Variants in ATRX observed in about 807,000 individuals in gnomAD.
ATRX encodes ATRX chromatin remodeler, also known as chromatin remodeler ATRX.
Under a neutral mutation model 172.6 loss-of-function variants are expected in ATRX, and 12 were observed. The observed-to-expected ratio is 0.07, with a 90% CI of 0.04 to 0.11. The LOEUF (loss-of-function observed/expected upper bound fraction) is 0.11, where lower values mean the gene tolerates loss of function less well. Among genes scored for constraint, ATRX ranks in the 10% least tolerant of loss-of-function variants. The pLI is 1.00. For missense variants in ATRX, 1,368 were observed against 1,767.4 expected (o/e 0.77, Z 4.05); for synonymous variants, 674 against 594.7 (o/e 1.13, Z -1.94).
chrX:77,743,999 A>G (rs185772406), intron 1 of ATRX, among the ~76,000 whole-genome samples: 32 of 112,679 alleles, frequency 2.8e-4, no homozygotes, highest in East Asian at 2.5e-3. Context: ...CACAGACACC[A>G]TTAATGCTAT....
intron 1 of ATRX, among the ~76,000 whole-genome samples, chrX:77,776,664 T>G (rs1437731249): frequency 4.5e-5 from 5 of 112,286 alleles, no homozygotes; most frequent in African/African-American, 1.6e-4. Flanking sequence ...CACTTTACTT[T>G]GAAAAAGACC....
intron 30 of ATRX, among the ~76,000 whole-genome samples, chrX:77,538,813 G>C (rs1319240737): frequency 5.5e-5 from 6 of 109,808 alleles, no homozygotes; most frequent in African/African-American, 2.0e-4. Context: ...TAAGTGATTT[G>C]TTAGTAATTT....
intron 26 of ATRX, among the ~76,000 whole-genome samples, chrX:77,592,385 C>T (rs1557081164): frequency 9.9e-6 from 1 of 101,070 alleles, no homozygotes; most frequent in African/African-American, 3.7e-5. Context: ...TGCACTCCAG[C>T]CTGGGTGACA....
chrX:77,508,338 T>C lies in ATRX; in HGVS notation c.*13A>G, dbSNP rs782082803. On this transcript the variant is annotated 3_prime_UTR_variant, in exon 35 of 35. Coordinates refer to ENST00000373344, the MANE Select transcript of ATRX (RefSeq NM_000489.6). The stretch of plus-strand genomic sequence containing the variant: ...CTATGATTTTAACAATCCATTAAGC[T>C]TTTAGTGCAAAATCACATTGATTTC... 37 of 1,207,899 alleles carry C rather than the reference T, an allele frequency of 3.1e-5. No individual in the cohort carries two copies. The East Asian group carries it at 1.1e-3, about 35-fold the overall frequency.
intron 15 of ATRX, among the ~76,000 whole-genome samples, chrX:77,643,561 T>C (rs782104115): frequency 4.5e-5 from 5 of 110,742 alleles, no homozygotes; most frequent in Non-Finnish European, 9.4e-5. Flanking sequence ...GCTGGGACTA[T>C]AGGTGTGCAC....
chrX:77,773,092 TA>T (rs782649057), intron 1 of ATRX, among the ~76,000 whole-genome samples: 23 of 37,355 alleles, frequency 6.2e-4, no homozygotes, highest in South Asian at 6.3e-3. Context: ...AAATTTCAGC[TA>T]AAAAAAAAAA....
rs1557059602 is a variant in ATRX at position 77,557,491 on chromosome X, G to A, written c.6659C>T (p.Ser2220Leu). The A allele has an allele frequency of 1.5e-5, 18 of 1,208,123 alleles. No homozygotes were observed. The change falls in exon 30 of 35, where the codon TCA (serine) becomes TTA (leucine). Residue 2220 changes from serine (S) to leucine (L), a missense_variant. By Grantham distance (145) the Ser-to-Leu change is moderately radical. Transcript: ENST00000373344. Reference sequence around the variant, plus strand: ...AGTATCCCTCTTCTTCTTCTTTTCTGAATTAGGGTCATCTAATAAGTCTGG... The same window carrying A: ...AGTATCCCTCTTCTTCTTCTTTTCTAAATTAGGGTCATCTAATAAGTCTGG... The part of the protein sequence containing the change: ...FEPDLLDDPN[S>L]EKKKKRDTPM...
chrX:77,684,092 T>C lies in ATRX; in HGVS notation c.1164A>G (p.Lys388=), dbSNP rs1557142227. The change falls in exon 9 of 35, where the codon AAA becomes AAG. Residue 388 remains lysine (K), a synonymous_variant. Transcript: ENST00000373344. The part of the protein sequence containing the change: ...TDNSEISSAT[K]LRQLKAFKSV... ...ACTTAAAAGCCTTAAGCTGACGTAA[T>C]TTTGTAGCAGAACTGATTTCTGAAT... 1 of 1,209,170 alleles carries C rather than the reference T, an allele frequency of 8.3e-7. No individual in the cohort carries two copies. The highest frequency in any genetic ancestry group is 1.7e-5 in the African/African-American group (1 of 57,853).
At chrX:77,617,325 A>G (rs1446046484) in intron 21 of ATRX, among the ~76,000 whole-genome samples, 3 of 111,518 alleles carry the variant, frequency 2.7e-5, no homozygotes, top group Admixed American at 9.6e-5. Flanking sequence ...AGAAAGAAAA[A>G]TGCTGCCTGG....
rs1557085888 is a variant in ATRX at position 77,599,556 on chromosome X, C to T, written c.5811G>A (p.Gly1937=). Residue 1937 remains glycine, a synonymous_variant, in exon 25 of 35, where the codon GGG becomes GGA. Transcript: ENST00000373344. ...YTKKKKKGKK[G]KKDSSSSGSG... is the part of the protein sequence containing the mutation. The stretch of plus-strand genomic sequence containing the variant: ...TTCCACTTGAGCTACTATCTTTTTT[C>T]CCCTTTTTCCCTTTTTTCTTCTTTC... The T allele has an allele frequency of 7.5e-6, 9 of 1,207,475 alleles. No homozygotes were observed. The highest frequency in any genetic ancestry group is 1.0e-5 in the Non-Finnish European group (9 of 894,600).
At position 77,593,716 on chromosome X, in the gene ATRX, T is replaced by C; in HGVS notation, c.6090A>G (p.Ala2030=). The C allele has an allele frequency of 8.3e-7, 1 of 1,211,015 alleles. No individual in the cohort carries two copies. Among genetic ancestry groups the C allele is most frequent in the South Asian group, 1.8e-5 (1 of 56,972 alleles). The part of the protein sequence containing the change: ...MVLLFEILRM[A]EEIGDKVLVF... ...CTTACACTTTATCCCCAATTTCCTC[T>C]GCCATTCGAAGAATTTCAAAGAGAA... Residue 2030 remains alanine (A), a synonymous_variant, in exon 26 of 35, where the codon GCA becomes GCG. Transcript: ENST00000373344.
chrX:77,594,077 T>A (rs904145828), intron 25 of ATRX: 57 of 221,789 alleles, frequency 2.6e-4, no homozygotes, highest in East Asian at 3.8e-4. Flanking sequence ...AGGAAGGAGA[T>A]GCCAAATAAG....
chrX:77,524,553 TTCAAA>T (rs1454177264), intron 30 of ATRX, among the ~76,000 whole-genome samples: 1 of 110,687 alleles, frequency 9.0e-6, no homozygotes, highest in Admixed American at 9.7e-5. Flanking sequence ...AGATGAAAAA[TTCAAA>T]TCATGAGGCC....
At chrX:77,636,368 C>T (rs781872441) in intron 15 of ATRX, among the ~76,000 whole-genome samples, 9 of 111,032 alleles carry the variant, frequency 8.1e-5, no homozygotes, top group Non-Finnish European at 1.5e-4. Flanking sequence ...TAAAACTGTG[C>T]AGCACCTCTC....
At chrX:77,783,191 C>T (rs1285316421) in intron 1 of ATRX, among the ~76,000 whole-genome samples, 2 of 110,597 alleles carry the variant, frequency 1.8e-5, no homozygotes, top group Admixed American at 9.6e-5. Flanking sequence ...GCCAAGATCA[C>T]GCCCCTTCAC....
chrX:77,518,213 AAAG>A (rs2063117315), intron 34 of ATRX, among the ~76,000 whole-genome samples: 3 of 112,287 alleles, frequency 2.7e-5, no homozygotes, highest in African/African-American at 9.7e-5. Context: ...CCCAGTTGGA[AAAG>A]AAGAAGTCAA....
chrX:77,600,887 G>T, intron 22 of ATRX: 1 of 194,702 alleles, frequency 5.1e-6, no homozygotes. Context: ...ATGATTTTGA[G>T]GTATCAGGAA....
At chrX:77,703,243 G>A (rs2072630421) in intron 2 of ATRX, among the ~76,000 whole-genome samples, 1 of 112,736 alleles carries the variant, frequency 8.9e-6, no homozygotes, top group African/African-American at 3.2e-5. Context: ...TGCTGGGCTT[G>A]TCCCGCCTAT....
intron 1 of ATRX, among the ~76,000 whole-genome samples, chrX:77,719,975 C>T (rs1392854344): frequency 8.9e-6 from 1 of 112,038 alleles, no homozygotes; most frequent in Non-Finnish European, 1.9e-5. Flanking sequence ...GAAATCATAA[C>T]AGTCTCTCAG....
Sources: allele counts gnomAD v4.1 joint callset (sites outside exome capture counted in the v4.1 genomes callset), GRCh38; gene constraint gnomAD v4.1.1; transcripts MANE v1.5; gene names NCBI Gene and HGNC (gene_info 2026-07-23, HGNC 2026-07-21).